The following TRIM72 variants were observed in gnomAD, a reference collection of about 807,000 sequenced individuals.
TRIM72 encodes the protein tripartite motif-containing protein 72.
TRIM72 carries 33 observed loss-of-function variants against 31.6 expected under a neutral mutation model. The ratio of observed to expected loss-of-function variants is 1.04; its 90% CI spans 0.79 to 1.40. The LOEUF (loss-of-function observed/expected upper bound fraction) is 1.40. Among genes scored for constraint, TRIM72 ranks in the 40% most tolerant of loss-of-function variants. The probability of loss-of-function intolerance (pLI) is 0.00; values close to 1 mark genes in which losing one functional copy is unlikely to be tolerated. For missense variants in TRIM72, 666 were observed against 682.7 expected (o/e 0.98, Z 0.27); for synonymous variants, 301 against 314.4 (o/e 0.96, Z 0.45).
At position 31,229,677 on chromosome 16, in the gene TRIM72, G is replaced by A. The variant is rs375981903; in HGVS notation, c.*4922G>A. The A allele has an allele frequency of 2.0e-5, 3 of 152,214 alleles. No individual in the cohort carries two copies. Among genetic ancestry groups the A allele is most frequent in the Non-Finnish European group, 2.9e-5 (2 of 68,056 alleles). The allele number at this position is 152,214 out of a possible 1,614,324, so 9.4% of individuals were successfully genotyped here. The stretch of plus-strand genomic sequence containing the variant: ...CTCCGTGAGTCCCTCCTCTCCACGG[G>A]AACGCTGGAAACCCCCAGAAACTGG... On this transcript the variant is annotated 3_prime_UTR_variant, in exon 7 of 7. Transcript: ENST00000322122.
intron 2 of TRIM72, chr16:31,217,070 A>G (rs373491537): frequency 5.4e-5 from 85 of 1,584,598 alleles, no homozygotes; most frequent in Non-Finnish European, 7.1e-5. Flanking sequence ...GCCTGGAGCC[A>G]TCAGGTCCTA....
Position 31,224,310 on chromosome 16 carries a change from A to AGGCGGT in TRIM72, c.998_1003dup (p.Ala333_Val334dup), listed in dbSNP as rs1486468201. 1 of 1,600,424 alleles carries AGGCGGT rather than the reference A, an allele frequency of 6.2e-7. No homozygotes were observed. Among genetic ancestry groups the AGGCGGT allele is most frequent in the Admixed American group, 1.7e-5 (1 of 58,746 alleles). On this transcript the variant is annotated inframe_insertion, in exon 7 of 7. Coordinates refer to ENST00000322122, the MANE Select transcript of TRIM72 (RefSeq NM_001008274.4). ...GGGGAGGACCCGCGCCAGTTCGACA[A>AGGCGGT]GGCGGTGGCGGTGGTGGCGCACCAG...
Position 31,224,805 on chromosome 16 carries a change from G to C in TRIM72, c.*50G>C. 2.1e-6 allele frequency: 3 copies of C among 1,412,634 alleles called. No individual in the cohort carries two copies. The allele number at this position is 1,412,634 out of a possible 1,614,324, so 87.5% of individuals were successfully genotyped here. A position where few individuals can be genotyped will look rare whatever the true frequency, so the allele number is the denominator to read the frequency against. On this transcript the variant is annotated 3_prime_UTR_variant, in exon 7 of 7. Coordinates refer to ENST00000322122, the MANE Select transcript of TRIM72 (RefSeq NM_001008274.4). ...CGCGGGGGCCTGGGTTGAAGCTTAG[G>C]TCTCCTTGGTCGGGTCTGACGGGAG...
chr16:31,224,479 C>T lies in TRIM72; in HGVS notation c.1158C>T (p.Arg386=), dbSNP rs772123304. ...AGGGCCTGTGGCTGCTGGGGCTGCGCGAGGGCAAGATCCTGGAGGCACACG... is the reference window on the plus strand; with the variant it reads ...AGGGCCTGTGGCTGCTGGGGCTGCGTGAGGGCAAGATCCTGGAGGCACACG... ...PSQGLWLLGL[R]EGKILEAHVE... The change falls in exon 7 of 7, where the codon CGC becomes CGT. Residue 386 remains arginine, a synonymous_variant. Transcript: ENST00000322122. The T allele has an allele frequency of 6.8e-6, 10 of 1,477,608 alleles. No homozygotes were observed. The highest frequency in any genetic ancestry group is 2.9e-5 in the African/African-American group (2 of 68,132). 91.5% of individuals were successfully genotyped at this position (1,477,608 alleles called of 1,614,324 possible).
At chr16:31,218,999 G>T in intron 2 of TRIM72, 96 bp from the exon 3 acceptor site, 2 of 1,124,520 alleles carry the variant, frequency 1.8e-6, no homozygotes, top group Non-Finnish European at 2.6e-6. Context: ...GGAGGAGCTG[G>T]CATTGAGGTT....
chr16:31,224,208 G>T lies in TRIM72; in HGVS notation c.887G>T (p.Ser296Ile). 1 of 1,603,778 alleles carries T rather than the reference G, an allele frequency of 6.2e-7. No individual in the cohort carries two copies. The highest frequency in any genetic ancestry group is 1.1e-5 in the South Asian group (1 of 91,062). Residue 296 changes from serine to isoleucine, a missense_variant, in exon 7 of 7, where the codon AGC becomes ATC. Ser to Ile is a moderately radical substitution (Grantham distance 142). Transcript: ENST00000322122. The part of the protein sequence containing the change: ...PALEELTFDP[S>I]SAHPSLVVSS... ...CTGGAGGAGCTGACCTTTGACCCGA[G>T]CTCTGCGCACCCGAGCCTGGTGGTG...
At position 31,215,161 on chromosome 16, in the gene TRIM72, G is replaced by T. The variant is rs956742426; in HGVS notation, c.390+33G>T. ...ATCCGCGCGCATCGTGGTCGGAGGG[G>T]CTGTTCGGTGGCACGGGGCCGATGG... is the stretch of plus-strand genomic sequence containing the variant. On this transcript the variant is annotated intron_variant, in intron 2 of 6. Transcript: ENST00000322122. This position sits in a 1 kb window ranked among gnomAD's most constrained non-coding sequence, Gnocchi z 6.3. The T allele has an allele frequency of 1.4e-6, 2 of 1,429,344 alleles. No individual in the cohort carries two copies. The highest frequency in any genetic ancestry group is 3.0e-5 in the African/African-American group (2 of 67,080). The allele number at this position is 1,429,344 out of a possible 1,614,324, so 88.5% of individuals were successfully genotyped here.
Position 31,216,694 on chromosome 16 carries a change from C to A in TRIM72, c.390+1566C>A. 1 of 1,538,564 alleles carries A rather than the reference C, an allele frequency of 6.5e-7. No homozygotes were observed. Among genetic ancestry groups the A allele is most frequent in the African/African-American group, 1.4e-5 (1 of 73,772 alleles). On this transcript the variant is annotated intron_variant, in intron 2 of 6. Transcript: ENST00000322122. This position sits in a 1 kb window ranked among gnomAD's most constrained non-coding sequence, Gnocchi z 6.7. Reference sequence around the variant, plus strand: ...CAGGAAGGCTCTGGGCGGGACCTGACGCGTGGGTCCTTGGCGAGGAAGCGG... The same window carrying A: ...CAGGAAGGCTCTGGGCGGGACCTGAAGCGTGGGTCCTTGGCGAGGAAGCGG...
At position 31,230,296 on chromosome 16, in the gene TRIM72, C is replaced by G. The variant is rs1341942147; in HGVS notation, c.*5541C>G. On this transcript the variant is annotated 3_prime_UTR_variant, in exon 7 of 7. Transcript: ENST00000322122. ...TGCAAGGTCACTAGGCAGATAAACT[C>G]AAGTCATAAAACATGTTTTTCCTTG... The G allele has an allele frequency of 6.6e-6, 1 of 152,138 alleles. No homozygotes were observed. Among genetic ancestry groups the G allele is most frequent in the East Asian group, 1.9e-4 (1 of 5,202 alleles). 9.4% of individuals were successfully genotyped at this position (152,138 alleles called of 1,614,324 possible). A position where few individuals can be genotyped will look rare whatever the true frequency, so the allele number is the denominator to read the frequency against.
In TRIM72 at chr16:31,219,008, T is replaced by C. The variant is rs2079521603; in HGVS notation, c.391-87T>C. ...GCTGGAGGAGGAGCTGGCATTGAGG[T>C]TGAGCCACAGAGGGCAGGTTTAGGA... On this transcript the variant is annotated intron_variant, in intron 2 of 6. Coordinates refer to ENST00000322122, the MANE Select transcript of TRIM72 (RefSeq NM_001008274.4). This position sits in a 1 kb window ranked among gnomAD's most constrained non-coding sequence, Gnocchi z 4.2. 7.1e-6 allele frequency: 9 copies of C among 1,269,232 alleles called. No individual in the cohort carries two copies. The Admixed American group carries it at 1.3e-4, about 19-fold the overall frequency. The allele number at this position is 1,269,232 out of a possible 1,614,324, so 78.6% of individuals were successfully genotyped here. A position where few individuals can be genotyped will look rare whatever the true frequency, so the allele number is the denominator to read the frequency against.
At position 31,227,367 on chromosome 16, in the gene TRIM72, A is replaced by AT. The variant is rs1259392037; in HGVS notation, c.*2620dup. On this transcript the variant is annotated 3_prime_UTR_variant, in exon 7 of 7. Transcript: ENST00000322122. ...GGCTTAGCATTTGAGCTGTTCTGCC[A>AT]TTTTTTTTGTTGGTTGGTTTGTTTG... The AT allele has an allele frequency of 5.9e-5, 9 of 152,312 alleles. No homozygotes were observed. The highest frequency in any genetic ancestry group is 2.2e-4 in the African/African-American group (9 of 41,438). The allele number at this position is 152,312 out of a possible 1,614,324, so 9.4% of individuals were successfully genotyped here. A position where few individuals can be genotyped will look rare whatever the true frequency, so the allele number is the denominator to read the frequency against.
chr16:31,219,581 C>G lies in TRIM72; in HGVS notation c.717+62C>G. On this transcript the variant is annotated intron_variant, in intron 4 of 6. Coordinates refer to ENST00000322122, the MANE Select transcript of TRIM72 (RefSeq NM_001008274.4). This position sits in a 1 kb window ranked among gnomAD's most constrained non-coding sequence, Gnocchi z 4.2. The stretch of plus-strand genomic sequence containing the variant: ...CCTGCTCAGGGCCCAGAGACCTCAT[C>G]CCATTGTCAGATAGGCCCAGAGAGG... 6.8e-7 allele frequency: 1 copy of G among 1,463,196 alleles called. No homozygotes were observed. Among genetic ancestry groups the G allele is most frequent in the South Asian group, 1.2e-5 (1 of 81,388 alleles). The allele number at this position is 1,463,196 out of a possible 1,614,324, so 90.6% of individuals were successfully genotyped here.
chr16:31,224,666 G>A lies in TRIM72; in HGVS notation c.1345G>A (p.Val449Met), dbSNP rs774706835. The change falls in exon 7 of 7, where the codon GTG (valine) becomes ATG (methionine). Residue 449 changes from valine to methionine, a missense_variant. Val to Met is a conservative substitution (Grantham distance 21). Coordinates refer to ENST00000322122, the MANE Select transcript of TRIM72 (RefSeq NM_001008274.4). ...CTTCCACGAGCGCCTGCCCAGGCCC[G>A]TGTACCCCTTCTTCGACGTGTGCTG... ...FAFHERLPRP[V>M]YPFFDVCWHD... 5 of 1,549,354 alleles carry A rather than the reference G, an allele frequency of 3.2e-6. No individual in the cohort carries two copies. Among genetic ancestry groups the A allele is most frequent in the Non-Finnish European group, 3.5e-6 (4 of 1,154,742 alleles).
chr16:31,217,897 G>A (rs1414491293), intron 2 of TRIM72, among the ~76,000 whole-genome samples: 1 of 152,056 alleles, frequency 6.6e-6, no homozygotes, highest in Non-Finnish European at 1.5e-5. Flanking sequence ...ACAGGTGTGA[G>A]CCACCACGCC....
chr16:31,223,239 C>G (rs1200769017), intron 6 of TRIM72, among the ~76,000 whole-genome samples: 2 of 152,202 alleles, frequency 1.3e-5, no homozygotes. Context: ...TGGTCAGTCT[C>G]TGCCCCTCTC....
In TRIM72 at chr16:31,222,707, C is replaced by G. The variant is rs1354818348; in HGVS notation, c.741-120C>G. 1.0e-5 allele frequency: 6 copies of G among 583,804 alleles called. No homozygotes were observed. The African/African-American group carries it at 1.2e-4, about 12-fold the overall frequency. The allele number at this position is 583,804 out of a possible 1,614,324, so 36.2% of individuals were successfully genotyped here. On this transcript the variant is annotated intron_variant, in intron 5 of 6. Transcript: ENST00000322122. ...TATCTCCAGAATTTTCTCATCTTCC[C>G]AAACCAAAACTCCAAAGGAAGAGTT...
chr16:31,220,470 T>TG (rs2079528726), intron 4 of TRIM72, among the ~76,000 whole-genome samples: 1 of 121,454 alleles, frequency 8.2e-6, no homozygotes, highest in Non-Finnish European at 1.7e-5. Context: ...TTTTTTTTTT[T>TG]TTTTTTTTTT....
intron 5 of TRIM72, among the ~76,000 whole-genome samples, chr16:31,222,467 C>A (rs2079538142): frequency 9.7e-6 from 1 of 102,694 alleles, no homozygotes; most frequent in East Asian, 3.0e-4. Context: ...TGACAATTTT[C>A]AGCTTCTTCT....
chr16:31,224,758 C>A lies in TRIM72; in HGVS notation c.*3C>A. 6.8e-7 allele frequency: 1 copy of A among 1,469,778 alleles called. No individual in the cohort carries two copies. Among genetic ancestry groups the A allele is most frequent in the Non-Finnish European group, 9.0e-7 (1 of 1,113,854 alleles). 91.0% of individuals were successfully genotyped at this position (1,469,778 alleles called of 1,614,324 possible). A position where few individuals can be genotyped will look rare whatever the true frequency, so the allele number is the denominator to read the frequency against. On this transcript the variant is annotated 3_prime_UTR_variant, in exon 7 of 7. Transcript: ENST00000322122. ...GTCCCGAAGGCGCCGAGGCCTGAGCCGCCGGACGGGTAGTGGAGGGGCGCG... is the reference window on the plus strand; with the variant it reads ...GTCCCGAAGGCGCCGAGGCCTGAGCAGCCGGACGGGTAGTGGAGGGGCGCG...
Sources: allele counts gnomAD v4.1 joint callset (sites outside exome capture counted in the v4.1 genomes callset), GRCh38; gene constraint gnomAD v4.1.1; non-coding constraint Gnocchi (gnomAD v3.1); transcripts MANE v1.5; gene names NCBI Gene and HGNC (gene_info 2026-07-23, HGNC 2026-07-21).